The following BDH1 variants were observed in gnomAD, a reference collection of about 807,000 sequenced individuals.
BDH1 encodes the protein D-beta-hydroxybutyrate dehydrogenase, mitochondrial.
A neutral mutation model predicts 33.1 loss-of-function variants in BDH1; 30 were observed. That is an observed-to-expected ratio of 0.91 (90% CI 0.68 to 1.23). The LOEUF is 1.23. Ranked by LOEUF, BDH1 falls within the 50% of genes most tolerant of loss-of-function variation. BDH1 has a pLI of 0.00. For missense variants in BDH1, 443 were observed against 464.4 expected, an observed-to-expected ratio of 0.95 and a Z score of 0.42; for synonymous variants, 190 against 183.6, an observed-to-expected ratio of 1.03 and a Z score of -0.28.
At chr3:197,532,354 C>T (rs1472425516) in intron 5 of BDH1, 58 bp downstream of exon 5, 1 of 1,495,990 alleles carries the variant, frequency 6.7e-7, no homozygotes, top group Non-Finnish European at 9.3e-7. Context: ...TTTTAAAAGA[C>T]TAAAAAACAA....
chr3:197,546,146 AAAT>A, intron 3 of BDH1: 2 of 491,198 alleles, frequency 4.1e-6, no homozygotes, highest in Non-Finnish European at 3.6e-6. Flanking sequence ...AAAGAAAAAA[AAAT>A]AAGTGGTTAT....
intron 1 of BDH1, among the ~76,000 whole-genome samples, chr3:197,570,112 T>C (rs551676595): frequency 1.2e-4 from 18 of 152,210 alleles, no homozygotes; most frequent in Non-Finnish European, 2.1e-4. Flanking sequence ...TCTTGTTATG[T>C]TTTAGCAAAG....
chr3:197,531,415 A>AT (rs1714635362), intron 5 of BDH1, among the ~76,000 whole-genome samples: 2 of 141,106 alleles, frequency 1.4e-5, no homozygotes, highest in East Asian at 2.0e-4. Context: ...AAATTAAAAA[A>AT]AAAATATATA....
intron 1 of BDH1, among the ~76,000 whole-genome samples, chr3:197,555,037 G>T (rs1348228062): frequency 6.6e-6 from 1 of 152,244 alleles, no homozygotes; most frequent in African/African-American, 2.4e-5. Context: ...CCCAGCCAAA[G>T]CCCCCTTGTC....
intron 1 of BDH1, among the ~76,000 whole-genome samples, chr3:197,561,217 G>A (rs139447968): frequency 2.4e-4 from 37 of 152,280 alleles, no homozygotes; most frequent in African/African-American, 8.2e-4. Flanking sequence ...GTAGCAGCAT[G>A]AGCTAACCTT....
At chr3:197,513,547 TC>T (rs1004745718) in intron 7 of BDH1, among the ~76,000 whole-genome samples, 11 of 145,216 alleles carry the variant, frequency 7.6e-5, no homozygotes, top group African/African-American at 2.8e-4. Context: ...TCCAGGTGTG[TC>T]CCCGGGAGGG....
intron 3 of BDH1, among the ~76,000 whole-genome samples, chr3:197,543,786 A>G (rs534097243): frequency 1.6e-4 from 24 of 152,300 alleles, no homozygotes; most frequent in Middle Eastern, 3.4e-3. Flanking sequence ...AGAGATAAAC[A>G]AGGAGAAACC....
Position 197,525,827 on chromosome 3 carries a change from C to A in BDH1, c.268-3046G>T, listed in dbSNP as rs931428003. On this transcript the variant is annotated intron_variant, in intron 5 of 7. Transcript: ENST00000392379. This position sits in a 1 kb window ranked among gnomAD's most constrained non-coding sequence, Gnocchi z 4.9. ...ACTGCCCCGCAGGCCACACCACCTC[C>A]CTGGACCCAGGGTTTCTGTGCTCCC... Among the ~76,000 whole-genome samples the A allele has an allele frequency of 6.6e-6, 1 of 152,368 alleles. No individual in the cohort carries two copies. The highest frequency in any genetic ancestry group is 2.4e-5 in the African/African-American group (1 of 41,592).
rs1437682027 is a variant in BDH1 at position 197,516,526 on chromosome 3, A to G, written c.410-2110T>C. 6.6e-6 allele frequency among the ~76,000 whole-genome samples: 1 copy of G among 152,060 alleles called. No individual in the cohort carries two copies. The highest frequency in any genetic ancestry group is 2.4e-5 in the African/African-American group (1 of 41,390). ...GAGGCATGCCCGCTGGTTGGGTGAC[A>G]GCAACTTTCCTGTAACATCCCCAAG... On this transcript the variant is annotated intron_variant, in intron 6 of 7. Coordinates refer to ENST00000392379, the MANE Select transcript of BDH1 (RefSeq NM_203314.3). This position sits in a 1 kb window ranked among gnomAD's most constrained non-coding sequence, Gnocchi z 4.2.
exon 1 of BDH1, chr3:197,573,221 C>A (rs995953035): frequency 2.6e-5 from 4 of 152,188 alleles, no homozygotes; most frequent in Non-Finnish European, 4.4e-5. Context: ...CATGCAGGAT[C>A]CTCTCCAGGC....
In BDH1 at chr3:197,514,589, C is replaced by G. The variant is rs1190077134; in HGVS notation, c.410-173G>C. Among the ~76,000 whole-genome samples the G allele has an allele frequency of 1.3e-5, 2 of 152,132 alleles. No homozygotes were observed. The highest frequency in any genetic ancestry group is 4.8e-5 in the African/African-American group (2 of 41,422). On this transcript the variant is annotated intron_variant, in intron 6 of 7. Coordinates refer to ENST00000392379, the MANE Select transcript of BDH1 (RefSeq NM_203314.3). This position sits in a 1 kb window ranked among gnomAD's most constrained non-coding sequence, Gnocchi z 4.2. ...TCAGGAACGACAGGAGGTAAAGAGGCCTAAAGTGCTGACTGCAGCCCTCCC... is the reference window on the plus strand; with the variant it reads ...TCAGGAACGACAGGAGGTAAAGAGGGCTAAAGTGCTGACTGCAGCCCTCCC...
At chr3:197,531,099 A>G (rs980323171) in intron 5 of BDH1, among the ~76,000 whole-genome samples, 13 of 152,226 alleles carry the variant, frequency 8.5e-5, no homozygotes, top group South Asian at 2.1e-4. Flanking sequence ...AGTAGCTTTT[A>G]AAAATAGTGC....
chr3:197,564,098 TAA>T (rs71164298), intron 1 of BDH1, among the ~76,000 whole-genome samples: 108 of 108,998 alleles, frequency 9.9e-4, no homozygotes, highest in African/African-American at 2.9e-3. Flanking sequence ...AGACTTCATC[TAA>T]AAAAAAAAAA....
intron 1 of BDH1, among the ~76,000 whole-genome samples, chr3:197,563,676 A>T (rs1209501774): frequency 6.6e-6 from 1 of 152,240 alleles, no homozygotes; most frequent in Non-Finnish European, 1.5e-5. Context: ...ATAAAAATAT[A>T]TTTGTAAGAA....
chr3:197,533,743 T>G, intron 3 of BDH1, 182 bp from the exon 4 acceptor site: 1 of 603,492 alleles, frequency 1.7e-6, no homozygotes. Flanking sequence ...AGCCAGTATT[T>G]GCTATGGCTA....
intron 2 of BDH1, among the ~76,000 whole-genome samples, chr3:197,551,855 A>T (rs1716598064): frequency 6.6e-6 from 1 of 152,146 alleles, no homozygotes; most frequent in African/African-American, 2.4e-5. Flanking sequence ...TGCCATAATT[A>T]CAACTGCCAG....
At chr3:197,568,475 C>T (rs1351404198) in intron 1 of BDH1, among the ~76,000 whole-genome samples, 1 of 152,112 alleles carries the variant, frequency 6.6e-6, no homozygotes, top group Non-Finnish European at 1.5e-5. Context: ...CTGATCTTAA[C>T]GTGACTGTAA....
chr3:197,556,132 G>A (rs998771388), upstream of BDH1: 1 of 152,224 alleles, frequency 6.6e-6, no homozygotes, highest in Non-Finnish European at 1.5e-5. Flanking sequence ...CCCCTAAGCC[G>A]GGCGCCAGAT....
chr3:197,542,521 C>CTTTTTTTTTTTTT lies in BDH1; in HGVS notation c.83+3827_83+3839dup, dbSNP rs71164295. Among the ~76,000 whole-genome samples, 69 of 106,414 alleles carry CTTTTTTTTTTTTT rather than the reference C, an allele frequency of 6.5e-4. 5 individuals are homozygous for CTTTTTTTTTTTTT. The highest frequency in any genetic ancestry group is 2.7e-3 in the African/African-American group (64 of 23,440). The allele number at this position is 106,414 out of a possible 152,430, so 69.8% of individuals were successfully genotyped here. A position where few individuals can be genotyped will look rare whatever the true frequency, so the allele number is the denominator to read the frequency against. On this transcript the variant is annotated intron_variant, in intron 3 of 7. Transcript: ENST00000392379. ...GTCAACACGCTTTCTTTCTTGCTTG[C>CTTTTTTTTTTTTT]TTTTTTTTTTTTTTTTTTTGAGACG...
Sources: gnomAD v4.1 joint callset for allele counts (sites outside exome capture counted in the v4.1 genomes callset) on GRCh38, gnomAD v4.1.1 for gene constraint, Gnocchi (gnomAD v3.1) non-coding constraint, MANE v1.5 for transcripts, NCBI Gene and HGNC (gene_info 2026-07-23, HGNC 2026-07-21) for gene names.